Variants in ATP12A observed in about 807,000 individuals in gnomAD.
The protein encoded by ATP12A is ATPase H+/K+ transporting non-gastric alpha2 subunit, also known as potassium-transporting ATPase alpha chain 2.
ATP12A carries 81 observed loss-of-function variants against 111.2 expected under a neutral mutation model. The ratio of observed to expected loss-of-function variants is 0.73; its 90% CI spans 0.61 to 0.88. The LOEUF is 0.88. Among genes scored for constraint, ATP12A ranks in the 40% least tolerant of loss-of-function variants. The pLI is 0.00. For missense variants in ATP12A, 1,196 were observed against 1,313.1 expected (o/e 0.91, Z 1.38); for synonymous variants, 498 against 499.8 (o/e 1.00, Z 0.05).
chr13:24,710,523 G>C lies in ATP12A; in HGVS notation c.2827G>C (p.Val943Leu). The C allele has an allele frequency of 6.2e-7, 1 of 1,614,198 alleles. No individual in the cohort carries two copies. The highest frequency in any genetic ancestry group is 1.3e-5 in the African/African-American group (1 of 75,056). Reference sequence around the variant, plus strand: ...CACGGCTTTCTTTGTTGGCATCCTAGTCCAGCAAATAGCAGATCTGATCAT... The same window carrying C: ...CACGGCTTTCTTTGTTGGCATCCTACTCCAGCAAATAGCAGATCTGATCAT... Reference protein sequence around the residue: ...GYTAFFVGILVQQIADLIIRK... With the variant: ...GYTAFFVGILLQQIADLIIRK... The change falls in exon 20 of 23, where the codon GTC (valine) becomes CTC (leucine). Residue 943 changes from valine to leucine, a missense_variant. Around this residue, in one of 3 missense-constraint regions of ATP12A, gnomAD observed 1,126 missense variants for 1,228.5 expected, o/e 0.92. Coordinates refer to ENST00000381946, the MANE Select transcript of ATP12A (RefSeq NM_001676.7).
At chr13:24,709,188 A>G (rs1050700810) in intron 17 of ATP12A, among the ~76,000 whole-genome samples, 176 bp from the exon 18 acceptor site, 3 of 152,160 alleles carry the variant, frequency 2.0e-5, no homozygotes, top group Non-Finnish European at 2.9e-5. Context: ...TTCTAAAGGC[A>G]CTATTCTTAA....
chr13:24,688,182 CT>C, intron 3 of ATP12A, 136 bp from the exon 4 acceptor site: 1 of 936,332 alleles, frequency 1.1e-6, no homozygotes, highest in Non-Finnish European at 1.6e-6. Flanking sequence ...GCACGGTCTG[CT>C]TTTCTCGGGA....
intron 3 of ATP12A, among the ~76,000 whole-genome samples, chr13:24,686,387 C>G (rs1477223150): frequency 1.4e-5 from 2 of 144,508 alleles, no homozygotes; most frequent in Non-Finnish European, 3.0e-5. Flanking sequence ...TTGCGGTGAG[C>G]CAAGATCATG....
intron 2 of ATP12A, among the ~76,000 whole-genome samples, chr13:24,684,216 G>A (rs1042796205): frequency 2.6e-5 from 4 of 152,140 alleles, no homozygotes; most frequent in Non-Finnish European, 5.9e-5. Flanking sequence ...TTAATCTTCT[G>A]AATCCCCAGC....
At chr13:24,711,285 G>A in intron 21 of ATP12A, 33 bp from the exon 22 acceptor site, 2 of 1,562,872 alleles carry the variant, frequency 1.3e-6, no homozygotes, top group Non-Finnish European at 1.7e-6. Flanking sequence ...CTGTGGATGA[G>A]TCAGGGTTCA....
At position 24,691,161 on chromosome 13, in the gene ATP12A, T is replaced by A. The variant is rs1243726683; in HGVS notation, c.979T>A (p.Ser327Thr). Residue 327 changes from serine (S) to threonine (T), a missense_variant, in exon 8 of 23, where the codon TCC (serine) becomes ACC (threonine). By Grantham distance (58) the Ser-to-Thr change is moderately conservative. Coordinates refer to ENST00000381946, the MANE Select transcript of ATP12A (RefSeq NM_001676.7). ...CATCCTTTTCTTCATCATCGCTGTG[T>A]CCCTGAAGTATCAAGTCCTGGACTC... ...IGILFFIIAV[S>T]LKYQVLDSII... is the part of the protein sequence containing the mutation. 3 of 1,614,082 alleles carry A rather than the reference T, an allele frequency of 1.9e-6. No homozygotes were observed. In the African/African-American group the frequency reaches 4.0e-5, roughly 22 times the overall value.
At chr13:24,700,009 C>T (rs960458226) in intron 12 of ATP12A, among the ~76,000 whole-genome samples, 3 of 152,204 alleles carry the variant, frequency 2.0e-5, no homozygotes, top group Admixed American at 6.5e-5. Flanking sequence ...TGCCCACTTG[C>T]GTTTGATTTC....
intron 13 of ATP12A, among the ~76,000 whole-genome samples, chr13:24,701,525 GAAAGA>G (rs1875396867): frequency 7.0e-6 from 1 of 143,594 alleles, no homozygotes; most frequent in Non-Finnish European, 1.5e-5. Context: ...AAAAAAGAAA[GAAAGA>G]AAAGAAAAGA....
At chr13:24,701,174 A>G (rs1875377415) in intron 13 of ATP12A, among the ~76,000 whole-genome samples, 1 of 152,204 alleles carries the variant, frequency 6.6e-6, no homozygotes, top group Admixed American at 6.5e-5. Flanking sequence ...TGAAGTGACC[A>G]TATCTCGCCC....
In ATP12A at chr13:24,681,569, C is replaced by T. The variant is rs745376255; in HGVS notation, c.17C>T (p.Pro6Leu). 1.9e-6 allele frequency: 3 copies of T among 1,609,440 alleles called. No homozygotes were observed. Among genetic ancestry groups the T allele is most frequent in the Non-Finnish European group, 2.5e-6 (3 of 1,178,952 alleles). ...CCTGGGCTTCTCTTTCAGAAAACCC[C>T]AGAAATTTACTCCGTGGAGCTCAGC... The part of the protein sequence containing the change: MHQKT[P>L]EIYSVELSGT... Residue 6 changes from proline to leucine, a missense_variant, in exon 2 of 23, where the codon CCA (proline) becomes CTA (leucine). By Grantham distance (98) the Pro-to-Leu change is moderately conservative. Transcript: ENST00000381946.
Position 24,708,708 on chromosome 13 carries a change from C to T in ATP12A, c.2494-656C>T, listed in dbSNP as rs558548384. The stretch of plus-strand genomic sequence containing the variant: ...TGGTCAACACAGAGAGACCTAGTCT[C>T]TTAAAAAATAAAAATTAAGAACAAA... On this transcript the variant is annotated intron_variant, in intron 17 of 22. Transcript: ENST00000381946. 1.4e-4 allele frequency among the ~76,000 whole-genome samples: 21 copies of T among 151,550 alleles called. No homozygotes were observed. The East Asian group carries it at 4.1e-3, about 29-fold the overall frequency.
chr13:24,690,528 G>A (rs7996324), intron 6 of ATP12A, 56 bp downstream of exon 6: 1 of 1,605,050 alleles, frequency 6.2e-7, no homozygotes. Context: ...GCTGGCTCTG[G>A]GGTCTTTCCC....
At chr13:24,697,412 T>C (rs1294334690) in intron 11 of ATP12A, among the ~76,000 whole-genome samples, 2 of 152,190 alleles carry the variant, frequency 1.3e-5, no homozygotes, top group Middle Eastern at 3.4e-3. Flanking sequence ...AGAAGGCAGA[T>C]TGCTTGAGCC....
chr13:24,680,529 G>A lies in ATP12A; in HGVS notation c.-215G>A, dbSNP rs1815331. 0.12 allele frequency: 61,637 copies of A among 500,580 alleles called. 3,939 individuals are homozygous for A. The highest frequency in any genetic ancestry group is 0.16 in the Middle Eastern group (293 of 1,876). 31.0% of individuals were successfully genotyped at this position (500,580 alleles called of 1,614,324 possible). On this transcript the variant is annotated 5_prime_UTR_variant, in exon 1 of 23. Coordinates refer to ENST00000381946, the MANE Select transcript of ATP12A (RefSeq NM_001676.7). ...CCCTGGCGGGGACGTGGGCGGGGCG[G>A]GCGGCATTTAAGGCTGGTGCCACCT... is the stretch of plus-strand genomic sequence containing the variant.
rs1027146645 is a variant in ATP12A, at chr13:24,685,948, G to A, written c.228+575G>A. On this transcript the variant is annotated intron_variant, in intron 3 of 22. Transcript: ENST00000381946. This position sits in a 1 kb window ranked among gnomAD's most constrained non-coding sequence, Gnocchi z 5.5. ...AGGTCATCTGGGTGAAGCTGTCAAA[G>A]TATTCACATTAAACTAATGAGTAGG... Among the ~76,000 whole-genome samples, 38 of 152,222 alleles carry A rather than the reference G, an allele frequency of 2.5e-4. No homozygotes were observed. Among genetic ancestry groups the A allele is most frequent in the Admixed American group, 6.5e-5 (1 of 15,286 alleles).
chr13:24,694,314 C>T, intron 10 of ATP12A, 130 bp from the exon 11 acceptor site: 1 of 1,226,304 alleles, frequency 8.2e-7, no homozygotes, highest in Non-Finnish European at 1.1e-6. Context: ...TGCGGCCCTC[C>T]CTGATCACGT....
rs1371333188 is a variant in ATP12A at position 24,712,283 on chromosome 13, CT to C, written c.*762del. ...GGACTTTCTTTACCAGGATTCAACCCTAGTAGAGAGCTGTTATGGTTTCAAT... is the reference window on the plus strand; with the variant it reads ...GGACTTTCTTTACCAGGATTCAACCCAGTAGAGAGCTGTTATGGTTTCAAT... On this transcript the variant is annotated 3_prime_UTR_variant, in exon 23 of 23. Transcript: ENST00000381946. 9 of 152,290 alleles carry C rather than the reference CT, an allele frequency of 5.9e-5. No individual in the cohort carries two copies. Among genetic ancestry groups the C allele is most frequent in the African/African-American group, 2.2e-4 (9 of 41,436 alleles). The allele number at this position is 152,290 out of a possible 1,614,324, so 9.4% of individuals were successfully genotyped here.
chr13:24,709,283 CACCCACCCCAGCCCCCCT>C, intron 17 of ATP12A, 63 bp from the exon 18 acceptor site: 1 of 285,330 alleles, frequency 3.5e-6, no homozygotes, highest in Admixed American at 4.6e-5. Context: ...GCCAGTGCCC[CACCCACCCCAGCCCCCCT>C]CCCCTACTGT....
chr13:24,690,247 C>A, intron 5 of ATP12A, 91 bp from the exon 6 acceptor site: 1 of 1,546,620 alleles, frequency 6.5e-7, no homozygotes, highest in Non-Finnish European at 8.7e-7. Context: ...AGTTCCAAGG[C>A]CTCTGTCCTG....
Sources: gnomAD v4.1 joint callset for allele counts (sites outside exome capture counted in the v4.1 genomes callset) on GRCh38, gnomAD v4.1.1 for gene constraint, gnomAD v4.1.1 regional missense constraint, Gnocchi (gnomAD v3.1) non-coding constraint, MANE v1.5 for transcripts, NCBI Gene and HGNC (gene_info 2026-07-23, HGNC 2026-07-21) for gene names.